Variants in BCR observed in about 807,000 individuals in gnomAD.
The protein encoded by BCR is BCR activator of RhoGEF and GTPase.
A neutral mutation model predicts 138.6 loss-of-function variants in BCR; 58 were observed. The ratio of observed to expected loss-of-function variants is 0.42; its 90% confidence interval spans 0.34 to 0.52. BCR has a LOEUF of 0.52. BCR is among the 20% of genes least tolerant of loss of function. BCR has a pLI of 0.06. For synonymous variants in BCR, 786 were observed against 730.1 expected, an observed-to-expected ratio of 1.08 and a Z score of -1.23; for missense variants, 1,599 against 1,727.2, an observed-to-expected ratio of 0.93 and a Z score of 1.32.
chr22:23,228,800 G>T (rs2330349), intron 1 of BCR, among the ~76,000 whole-genome samples: 19 of 151,656 alleles, frequency 1.3e-4, no homozygotes, highest in Non-Finnish European at 2.5e-4. Flanking sequence ...TTTAACTTTG[G>T]TTTTCTGTGC....
rs1196423373 is a variant in BCR, at chr22:23,182,123, G to A, written c.1163G>A (p.Cys388Tyr). ...AGCAGCAGTCCCCCCACGCCGCAGT[G>A]CCATAAGCGGCACCGGCACTGCCCG... Reference protein sequence around the residue: ...FDSSSPPTPQCHKRHRHCPVV... With the variant: ...FDSSSPPTPQYHKRHRHCPVV... Residue 388 changes from cysteine to tyrosine, a missense_variant, in exon 1 of 23, where the codon TGC becomes TAC. This residue lies in a region of BCR where 806 missense variants were observed against 635.0 expected (regional missense o/e 1.27). Transcript: ENST00000305877. The A allele has an allele frequency of 2.5e-6, 4 of 1,611,550 alleles. No homozygotes were observed. The highest frequency in any genetic ancestry group is 3.3e-4 in the Middle Eastern group (2 of 6,084).
At chr22:23,217,895 A>C (rs1161525400) in intron 1 of BCR, among the ~76,000 whole-genome samples, 3 of 152,254 alleles carry the variant, frequency 2.0e-5, no homozygotes, top group South Asian at 4.2e-4. Context: ...TCGGACAGGA[A>C]AGGCCTTGAC....
intron 20 of BCR, 38 bp from the exon 21 acceptor site, chr22:23,313,930 C>A (rs200912460): frequency 1.9e-6 from 3 of 1,552,266 alleles, no homozygotes; most frequent in South Asian, 1.1e-5. Context: ...GTCTCTGGCT[C>A]GTTGTGACCC....
chr22:23,253,111 A>G (rs1277360465), intron 1 of BCR, among the ~76,000 whole-genome samples: 2 of 152,188 alleles, frequency 1.3e-5, no homozygotes, highest in Non-Finnish European at 2.9e-5. Context: ...CTGGTTTTTA[A>G]TACAAAGATA....
At chr22:23,199,477 C>G in intron 1 of BCR, 1 of 382,436 alleles carries the variant, frequency 2.6e-6, no homozygotes, top group Non-Finnish European at 5.2e-6. Context: ...GCTTTGTTTT[C>G]ACTCCTCAGG....
Position 23,181,493 on chromosome 22 carries a change from T to G in BCR, c.533T>G (p.Val178Gly), listed in dbSNP as rs2072259794. The change falls in exon 1 of 23, where the codon GTG becomes GGG. Residue 178 changes from valine (V) to glycine (G), a missense_variant. Val to Gly is a moderately radical substitution (Grantham distance 109, BLOSUM62 -3). Coordinates refer to ENST00000305877, the MANE Select transcript of BCR (RefSeq NM_004327.4). Reference sequence around the variant, plus strand: ...GCGGACGCCGAGAAGCCCTTCTACGTGAACGTCGAGTTTCACCACGAGCGC... The same window carrying G: ...GCGGACGCCGAGAAGCCCTTCTACGGGAACGTCGAGTTTCACCACGAGCGC... ...PGADAEKPFY[V>G]NVEFHHERGL... 1.2e-6 allele frequency: 2 copies of G among 1,611,798 alleles called. No homozygotes were observed. Among genetic ancestry groups the G allele is most frequent in the Non-Finnish European group, 8.5e-7 (1 of 1,179,206 alleles).
chr22:23,291,226 T>A (rs1295000542), intron 14 of BCR: 7 of 147,332 alleles, frequency 4.8e-5, no homozygotes, highest in African/African-American at 1.7e-4. Flanking sequence ...AAAAAAAAAG[T>A]TCCTAGAAAC....
At chr22:23,206,505 A>G (rs112799311) in intron 1 of BCR, among the ~76,000 whole-genome samples, 2,163 of 151,496 alleles carry the variant, frequency 0.014, 23 homozygotes, top group Non-Finnish European at 0.024. Context: ...TGAACCCAGG[A>G]GGCGGAGCTT....
chr22:23,231,439 T>A (rs1319785167), intron 1 of BCR, among the ~76,000 whole-genome samples: 1 of 151,500 alleles, frequency 6.6e-6, no homozygotes, highest in Non-Finnish European at 1.5e-5. Flanking sequence ...CCCAGGAGTT[T>A]GAGGCAATGG....
intron 1 of BCR, among the ~76,000 whole-genome samples, chr22:23,202,770 A>G (rs1362490865): frequency 8.6e-6 from 1 of 116,954 alleles, no homozygotes; most frequent in Admixed American, 1.0e-4. Context: ...TATTTAATCT[A>G]TCATTCATTG....
intron 1 of BCR, among the ~76,000 whole-genome samples, chr22:23,233,649 G>A (rs1008744394): frequency 6.6e-6 from 1 of 152,036 alleles, no homozygotes; most frequent in African/African-American, 2.4e-5. Flanking sequence ...TTAGCCAGGT[G>A]TGGGGGCTTA....
chr22:23,261,521 G>A lies in BCR; in HGVS notation c.1733G>A (p.Gly578Asp), dbSNP rs1331786447. 1 of 1,612,524 alleles carries A rather than the reference G, an allele frequency of 6.2e-7. No homozygotes were observed. The highest frequency in any genetic ancestry group is 8.5e-7 in the Non-Finnish European group (1 of 1,180,000). The change falls in exon 4 of 23, where the codon GGC (glycine) becomes GAC (aspartate). Residue 578 changes from glycine to aspartate, a missense_variant. Gly to Asp is a moderately conservative substitution (Grantham distance 94). Around this residue, in one of 4 missense-constraint regions of BCR, gnomAD observed 590 missense variants for 762.4 expected, o/e 0.77. Transcript: ENST00000305877. ...CAGTGGAGCCACCAGCAGCGGGTGG[G>A]CGACCTCTTCCAGAAGCTGGTGAGT... ...VQQWSHQQRV[G>D]DLFQKLASQL...
Position 23,181,558 on chromosome 22 carries a change from A to G in BCR, c.598A>G (p.Ile200Val), listed in dbSNP as rs141546043. 1.9e-6 allele frequency: 3 copies of G among 1,613,004 alleles called. No homozygotes were observed. The highest frequency in any genetic ancestry group is 1.1e-5 in the South Asian group (1 of 91,088). ...CAACGACAAAGAGGTGTCGGACCGC[A>G]TCAGCTCCCTGGGCAGCCAGGCCAT... The part of the protein sequence containing the change: ...KVNDKEVSDR[I>V]SSLGSQAMQM... The change falls in exon 1 of 23, where the codon ATC becomes GTC. Residue 200 changes from isoleucine (I) to valine (V), a missense_variant. By Grantham distance (29) the Ile-to-Val change is conservative. Coordinates refer to ENST00000305877, the MANE Select transcript of BCR (RefSeq NM_004327.4).
At chr22:23,257,038 G>C (rs970486946) in intron 2 of BCR, among the ~76,000 whole-genome samples, 1 of 152,012 alleles carries the variant, frequency 6.6e-6, no homozygotes, top group Non-Finnish European at 1.5e-5. Context: ...GGCCCTCCCT[G>C]CATTCACGTC....
rs771447759 is a variant in BCR, at chr22:23,181,888, ACCTGGCCCCGCAGGT to A, written c.932_946del (p.Trp311_Ser315del). 3 of 1,613,388 alleles carry A rather than the reference ACCTGGCCCCGCAGGT, an allele frequency of 1.9e-6. No homozygotes were observed. The highest frequency in any genetic ancestry group is 2.5e-6 in the Non-Finnish European group (3 of 1,179,926). On this transcript the variant is annotated inframe_deletion, in exon 1 of 23. Transcript: ENST00000305877. ...CACCTCTGAGCAGGAGAAGCGCCTT[ACCTGGCCCCGCAGGT>A]CCTACTCCCCCCGGAGTTTTGAGGA...
intron 1 of BCR, among the ~76,000 whole-genome samples, chr22:23,205,153 T>C (rs1205606133): frequency 6.6e-6 from 1 of 152,192 alleles, no homozygotes; most frequent in Admixed American, 6.5e-5. Flanking sequence ...TGTTAGTCTT[T>C]CCTGAGCATT....
intron 1 of BCR, among the ~76,000 whole-genome samples, chr22:23,215,656 T>C (rs190623878): frequency 6.6e-6 from 1 of 152,202 alleles, no homozygotes; most frequent in African/African-American, 2.4e-5. Flanking sequence ...GGTGGCTTGT[T>C]GTCCTTGGAA....
At chr22:23,291,286 T>C (rs2267022) in intron 14 of BCR, among the ~76,000 whole-genome samples, 50,962 of 150,436 alleles carry the variant, frequency 0.34, 9,164 homozygotes, top group African/African-American at 0.45. Flanking sequence ...GGGAATGGGG[T>C]TGGGAGAGAG....
Position 23,313,962 on chromosome 22 carries a change from C to T in BCR, c.3458-6C>T. ...ACCCCAAGGAGTAACCCACCGCCTT[C>T]TGCAGCTCTTTCAGACCCGGTTGCA... On this transcript the variant is annotated splice_region_variant and splice_polypyrimidine_tract_variant and intron_variant, in intron 20 of 22. Coordinates refer to ENST00000305877, the MANE Select transcript of BCR (RefSeq NM_004327.4). 1 of 1,613,396 alleles carries T rather than the reference C, an allele frequency of 6.2e-7. No individual in the cohort carries two copies. Among genetic ancestry groups the T allele is most frequent in the Non-Finnish European group, 8.5e-7 (1 of 1,179,556 alleles).
Sources: allele counts gnomAD v4.1 joint callset (sites outside exome capture counted in the v4.1 genomes callset), GRCh38; gene constraint gnomAD v4.1.1; regional missense constraint gnomAD v4.1.1; transcripts MANE v1.5; gene names NCBI Gene and HGNC (gene_info 2026-07-23, HGNC 2026-07-21).